Variants in HMCN1 observed in about 807,000 individuals in gnomAD.
HMCN1 encodes hemicentin 1, also known as hemicentin-1.
HMCN1 carries 321 observed loss-of-function variants against 625.9 expected under a neutral mutation model. That is an observed-to-expected ratio of 0.51 (90% CI 0.47 to 0.56). The LOEUF is 0.56. Ranked by LOEUF, HMCN1 falls within the 20% of genes least tolerant of loss-of-function variation. The pLI is 0.00. For synonymous variants in HMCN1, 2,425 were observed against 2,417.6 expected, an observed-to-expected ratio of 1.00 and a Z score of -0.09; for missense variants, 6,588 against 6,887.3, an observed-to-expected ratio of 0.96 and a Z score of 1.54.
At chr1:186,170,008 A>G (rs1652123138) in intron 100 of HMCN1, among the ~76,000 whole-genome samples, 1 of 152,164 alleles carries the variant, frequency 6.6e-6, no homozygotes, top group South Asian at 2.1e-4. Flanking sequence ...AAGTGGTCAA[A>G]GGATATGAAC....
intron 1 of HMCN1, among the ~76,000 whole-genome samples, chr1:185,778,490 T>TC (rs1020737449): frequency 2.1e-5 from 2 of 96,216 alleles, no homozygotes; most frequent in Non-Finnish European, 4.0e-5. Context: ...ATGCTATCCC[T>TC]CCCCCCGCCC....
chr1:185,928,430 A>G lies in HMCN1; in HGVS notation c.1431-116A>G, dbSNP rs138713996. 2.7e-4 allele frequency: 234 copies of G among 874,162 alleles called. 1 individual carries two copies. In the East Asian group the frequency reaches 5.4e-3, roughly 20 times the overall value. 54.2% of individuals were successfully genotyped at this position (874,162 alleles called of 1,614,324 possible). ...TAAAAAGAACTCTGCAGTTTTATCA[A>G]TTTATTTTCTTTACATTGTTCTTTT... On this transcript the variant is annotated intron_variant, in intron 9 of 106. Transcript: ENST00000271588.
At chr1:186,188,538 A>G (rs1485517923) in intron 106 of HMCN1, among the ~76,000 whole-genome samples, 1 of 152,154 alleles carries the variant, frequency 6.6e-6, no homozygotes, top group Admixed American at 6.5e-5. Flanking sequence ...TGAATAAACT[A>G]CCATTCTGTT....
At chr1:185,973,276 A>G (rs1650959189) in intron 15 of HMCN1, among the ~76,000 whole-genome samples, 1 of 152,176 alleles carries the variant, frequency 6.6e-6, no homozygotes, top group African/African-American at 2.4e-5. Flanking sequence ...TTAAGTGGTC[A>G]TTTTGATTCT....
chr1:186,001,450 C>T (rs372740035), intron 27 of HMCN1, 22 bp downstream of exon 27: 33 of 1,610,872 alleles, frequency 2.0e-5, no homozygotes, highest in African/African-American at 1.5e-4. Flanking sequence ...CATCCAAATA[C>T]GTGTAATTCC....
intron 102 of HMCN1, among the ~76,000 whole-genome samples, chr1:186,172,549 C>A (rs1215505444): frequency 6.6e-6 from 1 of 151,936 alleles, no homozygotes; most frequent in African/African-American, 2.4e-5. Flanking sequence ...AATCCATGAC[C>A]AGACAAATAA....
intron 41 of HMCN1, among the ~76,000 whole-genome samples, chr1:186,046,597 A>T (rs1656591439): frequency 6.6e-6 from 1 of 152,164 alleles, no homozygotes; most frequent in South Asian, 2.1e-4. Context: ...GTCTGAGTCA[A>T]TTACCAACTG....
At chr1:186,076,360 G>A in intron 53 of HMCN1, 68 bp from the exon 54 acceptor site, 1 of 1,435,044 alleles carries the variant, frequency 7.0e-7, no homozygotes, top group Non-Finnish European at 9.7e-7. Flanking sequence ...TCACTCTGGT[G>A]AAAACACAGC....
chr1:185,816,390 TC>T (rs1276697903), intron 1 of HMCN1, among the ~76,000 whole-genome samples: 1 of 152,202 alleles, frequency 6.6e-6, no homozygotes, highest in Non-Finnish European at 1.5e-5. Flanking sequence ...CTTCCAGAAT[TC>T]CATAACCATA....
intron 101 of HMCN1, 127 bp downstream of exon 101, chr1:186,171,577 G>A: frequency 1.3e-6 from 1 of 754,732 alleles, no homozygotes; most frequent in Non-Finnish European, 2.3e-6. Flanking sequence ...CAGCATGTAT[G>A]CAATCCATGC....
rs563921163 is a variant in HMCN1 at position 185,923,311 on chromosome 1, T to C, written c.1022-79T>C. 8.2e-6 allele frequency: 9 copies of C among 1,102,784 alleles called. No homozygotes were observed. In the Admixed American group the frequency reaches 1.1e-4, roughly 13 times the overall value. 68.3% of individuals were successfully genotyped at this position (1,102,784 alleles called of 1,614,324 possible). On this transcript the variant is annotated intron_variant, in intron 7 of 106. Coordinates refer to ENST00000271588, the MANE Select transcript of HMCN1 (RefSeq NM_031935.3). ...GCATCCTTATGGTACTCATATATTA[T>C]TATCATGCAAATACTTATTTGATAT...
In HMCN1 at chr1:186,153,960, T is replaced by A; in HGVS notation, c.15229T>A (p.Phe5077Ile). The A allele has an allele frequency of 6.2e-7, 1 of 1,613,834 alleles. No individual in the cohort carries two copies. Among genetic ancestry groups the A allele is most frequent in the East Asian group, 2.2e-5 (1 of 44,870 alleles). Residue 5077 changes from phenylalanine to isoleucine, a missense_variant, in exon 97 of 107, where the codon TTT (phenylalanine) becomes ATT (isoleucine). Coordinates refer to ENST00000271588, the MANE Select transcript of HMCN1 (RefSeq NM_031935.3). Reference sequence around the variant, plus strand: ...TAACCAGATAGAAGAGACACTGGGTTTTAAAATTCATGCTTCAATATCCAA... The same window carrying A: ...TAACCAGATAGAAGAGACACTGGGTATTAAAATTCATGCTTCAATATCCAA... ...DYNQIEETLGFKIHASISKGD... is the reference protein window; with the variant it reads ...DYNQIEETLGIKIHASISKGD...
At chr1:186,136,599 T>TATA in intron 86 of HMCN1, 69 bp from the exon 87 acceptor site, 1 of 1,423,810 alleles carries the variant, frequency 7.0e-7, no homozygotes, top group Non-Finnish European at 9.9e-7. Flanking sequence ...AATGTCGCCA[T>TATA]ATAATACATG....
At chr1:186,078,031 T>A (rs1275743862) in intron 54 of HMCN1, 76 bp from the exon 55 acceptor site, 7 of 1,112,862 alleles carry the variant, frequency 6.3e-6, no homozygotes, top group Non-Finnish European at 6.8e-6. Context: ...TCATTAGACC[T>A]GAAAATTTGT....
chr1:185,893,337 T>A (rs897869340), intron 4 of HMCN1, among the ~76,000 whole-genome samples: 4 of 152,084 alleles, frequency 2.6e-5, no homozygotes, highest in African/African-American at 9.7e-5. Context: ...GCTCCTCCAC[T>A]TGGGGAGACT....
At chr1:186,030,683 T>C (rs1655370455) in intron 36 of HMCN1, among the ~76,000 whole-genome samples, 1 of 152,016 alleles carries the variant, frequency 6.6e-6, no homozygotes, top group African/African-American at 2.4e-5. Flanking sequence ...ACATTTAATT[T>C]AACTACTGAT....
intron 33 of HMCN1, among the ~76,000 whole-genome samples, chr1:186,017,483 A>G (rs539540254): frequency 4.0e-5 from 6 of 151,634 alleles, no homozygotes; most frequent in Non-Finnish European, 7.4e-5. Flanking sequence ...TGTGTTTACC[A>G]ATTTTTTTTC....
chr1:185,892,742 C>T (rs1196526272), intron 4 of HMCN1, among the ~76,000 whole-genome samples: 4 of 152,108 alleles, frequency 2.6e-5, no homozygotes, highest in African/African-American at 4.8e-5. Context: ...TTTAAGTCTG[C>T]AGAGGTTACT....
chr1:185,959,407 C>G (rs1402054352), intron 11 of HMCN1, among the ~76,000 whole-genome samples: 1 of 152,060 alleles, frequency 6.6e-6, no homozygotes, highest in Non-Finnish European at 1.5e-5. Context: ...CTAATCTGAC[C>G]ATTAATAGTG....
Sources: gnomAD v4.1 joint callset for allele counts (sites outside exome capture counted in the v4.1 genomes callset) on GRCh38, gnomAD v4.1.1 for gene constraint, MANE v1.5 for transcripts, NCBI Gene and HGNC (gene_info 2026-07-23, HGNC 2026-07-21) for gene names.